The following CNTN3 variants were observed in gnomAD, a reference collection of about 807,000 sequenced individuals.
CNTN3 encodes contactin-3.
A neutral mutation model predicts 119.1 loss-of-function variants in CNTN3; 60 were observed. The observed-to-expected ratio is 0.50, with a 90% confidence interval of 0.41 to 0.62. CNTN3 has a LOEUF of 0.62. Ranked by LOEUF, CNTN3 falls within the 20% of genes least tolerant of loss-of-function variation. The pLI is 0.00. For synonymous variants in CNTN3, 450 were observed against 438.7 expected, an observed-to-expected ratio of 1.03 and a Z score of -0.32; for missense variants, 1,101 against 1,242.4, an observed-to-expected ratio of 0.89 and a Z score of 1.71.
At chr3:74,571,830 T>C (rs981675043) in intron 1 of CNTN3, among the ~76,000 whole-genome samples, 2 of 152,202 alleles carry the variant, frequency 1.3e-5, no homozygotes, top group African/African-American at 4.8e-5. Context: ...TAAAAATGTT[T>C]TATCACTTTT....
intron 4 of CNTN3, among the ~76,000 whole-genome samples, chr3:74,467,339 C>T (rs7626614): frequency 0.16 from 23,803 of 151,998 alleles, 2,298 homozygotes; most frequent in East Asian, 0.46. Context: ...GAAGTCGTAA[C>T]TCCAAATCTA....
intron 20 of CNTN3, among the ~76,000 whole-genome samples, chr3:74,282,253 G>A (rs1049109271): frequency 1.1e-4 from 16 of 150,048 alleles, no homozygotes; most frequent in African/African-American, 3.7e-4. Context: ...GAATCCTTGT[G>A]TTATTTTACA....
chr3:74,553,524 A>G (rs533222138), intron 1 of CNTN3, among the ~76,000 whole-genome samples: 2 of 152,300 alleles, frequency 1.3e-5, no homozygotes, highest in Non-Finnish European at 2.9e-5. Context: ...GTCTTCCACA[A>G]TGGTTGAACT....
intron 11 of CNTN3, among the ~76,000 whole-genome samples, chr3:74,338,478 G>A (rs769252393): frequency 2.3e-4 from 33 of 140,840 alleles, no homozygotes; most frequent in African/African-American, 4.4e-4. Context: ...ACATATGTGC[G>A]TATGTGTACA....
intron 13 of CNTN3, among the ~76,000 whole-genome samples, chr3:74,326,884 A>G (rs1703145181): frequency 6.6e-6 from 1 of 152,092 alleles, no homozygotes; most frequent in South Asian, 2.1e-4. Flanking sequence ...TTAAATAACA[A>G]TATTTCTGGT....
chr3:74,587,807 C>T (rs1187234375), intron 1 of CNTN3, among the ~76,000 whole-genome samples: 1 of 152,054 alleles, frequency 6.6e-6, no homozygotes, highest in Non-Finnish European at 1.5e-5. Flanking sequence ...GCCTAATTGC[C>T]CTGGCCAGAA....
intron 4 of CNTN3, among the ~76,000 whole-genome samples, chr3:74,446,479 CCAGTAAAG>C (rs945531748): frequency 6.6e-6 from 1 of 152,010 alleles, no homozygotes; most frequent in Non-Finnish European, 1.5e-5. Flanking sequence ...GCTGTGCTGT[CCAGTAAAG>C]CAGCCACTAG....
At chr3:74,502,453 T>C (rs1703182721) in intron 2 of CNTN3, among the ~76,000 whole-genome samples, 1 of 152,166 alleles carries the variant, frequency 6.6e-6, no homozygotes, top group African/African-American at 2.4e-5. Context: ...AGGAGCATTT[T>C]CTTCTGAGAT....
intron 1 of CNTN3, among the ~76,000 whole-genome samples, chr3:74,535,728 T>C (rs1275583566): frequency 1.3e-5 from 2 of 152,098 alleles, no homozygotes; most frequent in Non-Finnish European, 2.9e-5. Flanking sequence ...TTCCAGAGTT[T>C]TCTAATGAGA....
intron 5 of CNTN3, among the ~76,000 whole-genome samples, chr3:74,417,546 A>G (rs989611694): frequency 5.3e-5 from 8 of 152,300 alleles, no homozygotes; most frequent in Middle Eastern, 6.8e-3. Flanking sequence ...GGATGGATGG[A>G]ATATGCCTGG....
chr3:74,430,366 T>G (rs1028117614), intron 4 of CNTN3, among the ~76,000 whole-genome samples: 75 of 152,310 alleles, frequency 4.9e-4, no homozygotes, highest in Middle Eastern at 3.4e-3. Context: ...CAGGAAATTA[T>G]GCTGACTGAA....
At chr3:74,478,523 A>G (rs1317259728) in intron 4 of CNTN3, among the ~76,000 whole-genome samples, 1 of 152,160 alleles carries the variant, frequency 6.6e-6, no homozygotes, top group African/African-American at 2.4e-5. Context: ...CTTAGCTCCC[A>G]GGAGCCAGTG....
chr3:74,372,216 A>G (rs1160838660), intron 5 of CNTN3, among the ~76,000 whole-genome samples: 5 of 152,114 alleles, frequency 3.3e-5, no homozygotes, highest in Non-Finnish European at 7.4e-5. Flanking sequence ...CCCCTCCTCC[A>G]AATTAGCAAA....
At chr3:74,594,885 A>T (rs1208606669) in intron 1 of CNTN3, among the ~76,000 whole-genome samples, 2 of 152,040 alleles carry the variant, frequency 1.3e-5, no homozygotes, top group East Asian at 3.9e-4. Flanking sequence ...GACTTCCACA[A>T]TGGTTGAACT....
chr3:74,399,129 TA>T (rs1405882290), intron 5 of CNTN3, among the ~76,000 whole-genome samples: 1 of 152,202 alleles, frequency 6.6e-6, no homozygotes, highest in African/African-American at 2.4e-5. Context: ...AGTTTTTTTT[TA>T]ATCTTTTATT....
chr3:74,343,969 A>C (rs959334387), intron 11 of CNTN3, among the ~76,000 whole-genome samples: 1 of 152,046 alleles, frequency 6.6e-6, no homozygotes, highest in African/African-American at 2.4e-5. Flanking sequence ...TCATTACTTC[A>C]CTCATCCCAG....
intron 1 of CNTN3, among the ~76,000 whole-genome samples, chr3:74,611,257 ATTC>A (rs1232502691): frequency 1.3e-5 from 2 of 152,208 alleles, no homozygotes; most frequent in African/African-American, 4.8e-5. Context: ...CACAGTAAAG[ATTC>A]TACAAATATT....
Position 74,262,581 on chromosome 3 carries a change from A to C in CNTN3, c.*1820T>G, listed in dbSNP as rs1387151134. ...ACTGCACACTCATTTGCTTGTTATA[A>C]ATTTTATTAGAATAGAAAATAATAC... On this transcript the variant is annotated 3_prime_UTR_variant, in exon 23 of 23. Coordinates refer to ENST00000263665, the MANE Select transcript of CNTN3 (RefSeq NM_020872.3). 6.6e-6 allele frequency: 1 copy of C among 152,562 alleles called. No individual in the cohort carries two copies. Among genetic ancestry groups the C allele is most frequent in the Non-Finnish European group, 1.5e-5 (1 of 68,004 alleles). 9.5% of individuals were successfully genotyped at this position (152,562 alleles called of 1,614,324 possible).
Position 74,296,115 on chromosome 3 carries a change from C to T in CNTN3, c.2402-879G>A, listed in dbSNP as rs79262692. ...GATCTTTGTGAGGTTTGCTGCATAA[C>T]TCTCCCTTGGATTCACAGAGACACC... On this transcript the variant is annotated intron_variant, in intron 18 of 22. Transcript: ENST00000263665. Among the ~76,000 whole-genome samples the T allele has an allele frequency of 5.9e-3, 905 of 152,264 alleles. 8 individuals carry two copies. Among genetic ancestry groups the T allele is most frequent in the African/African-American group, 0.021 (869 of 41,546 alleles).
Sources: allele counts gnomAD v4.1 joint callset (sites outside exome capture counted in the v4.1 genomes callset), GRCh38; gene constraint gnomAD v4.1.1; transcripts MANE v1.5; gene names NCBI Gene and HGNC (gene_info 2026-07-23, HGNC 2026-07-21).